Variants in PIEZO2 observed in about 807,000 individuals in gnomAD.
PIEZO2 encodes the protein piezo type mechanosensitive ion channel component 2, also known as piezo-type mechanosensitive ion channel component 2.
In PIEZO2, 172 loss-of-function variants were observed where a neutral mutation model predicts 337.3. The observed-to-expected ratio is 0.51, with a 90% CI of 0.45 to 0.58. The LOEUF (loss-of-function observed/expected upper bound fraction) is 0.58, where lower values mean the gene tolerates loss of function less well. PIEZO2 is among the 20% of genes least tolerant of loss of function. The pLI is 0.00. For missense variants in PIEZO2, 3,028 were observed against 3,391.3 expected, an observed-to-expected ratio of 0.89 and a Z score of 2.66; for synonymous variants, 1,251 against 1,228.5, an observed-to-expected ratio of 1.02 and a Z score of -0.38.
chr18:10,769,381 A>G (rs2038501011), intron 21 of PIEZO2, among the ~76,000 whole-genome samples: 1 of 152,244 alleles, frequency 6.6e-6, no homozygotes, highest in Non-Finnish European at 1.5e-5. Flanking sequence ...TATGGAGCTC[A>G]AATTAAGGTT....
intron 34 of PIEZO2, among the ~76,000 whole-genome samples, chr18:10,736,039 G>A (rs1439573178): frequency 6.6e-6 from 1 of 152,202 alleles, no homozygotes; most frequent in Non-Finnish European, 1.5e-5. Flanking sequence ...CTATAGCTGA[G>A]AATGGGACAG....
At chr18:10,999,243 G>A (rs534221990) in intron 2 of PIEZO2, among the ~76,000 whole-genome samples, 17 of 150,460 alleles carry the variant, frequency 1.1e-4, no homozygotes, top group East Asian at 3.9e-4. Flanking sequence ...CCAAATCTGC[G>A]TAGAGTTTGA....
intron 3 of PIEZO2, among the ~76,000 whole-genome samples, chr18:10,921,144 A>G (rs758573308): frequency 1.6e-4 from 24 of 151,904 alleles, no homozygotes; most frequent in Non-Finnish European, 3.1e-4. Flanking sequence ...ATTACAGGTG[A>G]TCATTCATTA....
rs1396991806 is a variant in PIEZO2 at position 11,009,738 on chromosome 18, G to A, written c.161-30078C>T. Among the ~76,000 whole-genome samples the A allele has an allele frequency of 6.6e-6, 1 of 152,098 alleles. No individual in the cohort carries two copies. Among genetic ancestry groups the A allele is most frequent in the Non-Finnish European group, 1.5e-5 (1 of 68,032 alleles). On this transcript the variant is annotated intron_variant, in intron 2 of 55. Transcript: ENST00000674853. This position sits in a 1 kb window ranked among gnomAD's most constrained non-coding sequence, Gnocchi z 4.6. The stretch of plus-strand genomic sequence containing the variant: ...GAATGTGACTGTCTTTTGAGATAGG[G>A]CCTTTAAAGAGGTAATTCAGGTAGC...
intron 1 of PIEZO2, among the ~76,000 whole-genome samples, chr18:11,081,664 G>A (rs569184137): frequency 2.6e-4 from 39 of 152,226 alleles, no homozygotes; most frequent in African/African-American, 9.4e-4. Context: ...CTAGCTTGGG[G>A]AGCTCTGTGC....
chr18:11,133,886 A>G (rs1343420676), intron 1 of PIEZO2, among the ~76,000 whole-genome samples: 2 of 152,102 alleles, frequency 1.3e-5, no homozygotes, highest in Admixed American at 6.6e-5. Flanking sequence ...ATATATATAC[A>G]TATACACACA....
At chr18:10,811,995 G>A (rs983209398) in intron 7 of PIEZO2, among the ~76,000 whole-genome samples, 4 of 152,074 alleles carry the variant, frequency 2.6e-5, no homozygotes, top group African/African-American at 9.7e-5. Context: ...CACCACGCCC[G>A]GCTAACTTTT....
At chr18:11,114,736 T>C (rs940606251) in intron 1 of PIEZO2, among the ~76,000 whole-genome samples, 3 of 151,668 alleles carry the variant, frequency 2.0e-5, no homozygotes, top group Non-Finnish European at 4.4e-5. Context: ...TGCCAACAGA[T>C]AGACTGCAGT....
intron 2 of PIEZO2, among the ~76,000 whole-genome samples, chr18:10,987,408 A>G (rs966741630): frequency 2.1e-4 from 32 of 152,138 alleles, no homozygotes; most frequent in Admixed American, 2.6e-4. Context: ...TAACCCACAA[A>G]TGTATAGCCA....
chr18:10,983,011 G>A (rs760326059), intron 2 of PIEZO2, among the ~76,000 whole-genome samples: 6 of 152,080 alleles, frequency 3.9e-5, no homozygotes, highest in South Asian at 2.1e-4. Context: ...ATGAGCCACC[G>A]TGCCTGGCCA....
At chr18:11,079,504 C>T (rs985260756) in intron 1 of PIEZO2, among the ~76,000 whole-genome samples, 2 of 152,194 alleles carry the variant, frequency 1.3e-5, no homozygotes, top group Non-Finnish European at 2.9e-5. Flanking sequence ...TAGCCAAACT[C>T]CCCTATTAGT....
At chr18:10,968,264 G>T (rs140319505) in intron 3 of PIEZO2, among the ~76,000 whole-genome samples, 2 of 152,204 alleles carry the variant, frequency 1.3e-5, no homozygotes, top group South Asian at 4.2e-4. Flanking sequence ...GCTGTTAAGC[G>T]TTTGGCTTTA....
At chr18:10,755,478 C>T (rs1175757393) in intron 27 of PIEZO2, among the ~76,000 whole-genome samples, 3 of 152,176 alleles carry the variant, frequency 2.0e-5, no homozygotes, top group South Asian at 4.1e-4. Context: ...TGGAATGTTA[C>T]AGGCATTGAA....
chr18:10,687,385 C>T (rs2034592363), intron 49 of PIEZO2, among the ~76,000 whole-genome samples: 1 of 152,088 alleles, frequency 6.6e-6, no homozygotes, highest in Non-Finnish European at 1.5e-5. Flanking sequence ...TTATTAACAC[C>T]TGTTTCTGTC....
chr18:11,036,974 A>ATG (rs1191839932), intron 2 of PIEZO2, among the ~76,000 whole-genome samples: 4 of 151,820 alleles, frequency 2.6e-5, no homozygotes, highest in African/African-American at 9.7e-5. Context: ...GTGTGTTTGC[A>ATG]TGTGTGTGTG....
rs2033382449 is a variant in PIEZO2, at chr18:10,953,424, G to T, written c.286+26111C>A. ...ATTTGTTTTGAGTTAATTAATTTTT[G>T]TATATGGAGCAAATTAAGAATTTAA... On this transcript the variant is annotated intron_variant, in intron 3 of 55. Coordinates refer to ENST00000674853, the MANE Select transcript of PIEZO2 (RefSeq NM_001378183.1). The surrounding 1 kb of genome is among the most constrained non-coding windows in gnomAD (Gnocchi z 5.2). 6.6e-6 allele frequency among the ~76,000 whole-genome samples: 1 copy of T among 151,892 alleles called. No homozygotes were observed. The highest frequency in any genetic ancestry group is 1.5e-5 in the Non-Finnish European group (1 of 67,986).
intron 1 of PIEZO2, among the ~76,000 whole-genome samples, chr18:11,066,695 G>T (rs560044705): frequency 1.6e-4 from 25 of 152,250 alleles, no homozygotes; most frequent in African/African-American, 5.3e-4. Context: ...TGCCTCCTGG[G>T]TTCAAGTGAT....
In PIEZO2 at chr18:10,945,280, G is replaced by C. The variant is rs187633515; in HGVS notation, c.287-34052C>G. Among the ~76,000 whole-genome samples the C allele has an allele frequency of 1.3e-5, 2 of 152,248 alleles. No individual in the cohort carries two copies. The highest frequency in any genetic ancestry group is 4.8e-5 in the African/African-American group (2 of 41,540). ...CTGCAGCCTCAAACTCCTGTGCTCA[G>C]GGGATCCTCCCACCTCAGCTTCCCA... On this transcript the variant is annotated intron_variant, in intron 3 of 55. Transcript: ENST00000674853. This position sits in a 1 kb window ranked among gnomAD's most constrained non-coding sequence, Gnocchi z 4.0.
Position 10,877,329 on chromosome 18 carries a change from G to T in PIEZO2, c.330-5914C>A, listed in dbSNP as rs1051304473. On this transcript the variant is annotated intron_variant, in intron 4 of 55. Coordinates refer to ENST00000674853, the MANE Select transcript of PIEZO2 (RefSeq NM_001378183.1). This position sits in a 1 kb window ranked among gnomAD's most constrained non-coding sequence, Gnocchi z 5.3. ...CTGTTTCATGAACACTAGCTCTTTA[G>T]AATGAAATAGTGTTAGATTAAATTT... Among the ~76,000 whole-genome samples the T allele has an allele frequency of 1.3e-5, 2 of 152,204 alleles. No individual in the cohort carries two copies. Among genetic ancestry groups the T allele is most frequent in the African/African-American group, 2.4e-5 (1 of 41,464 alleles).
Sources: allele counts gnomAD v4.1 joint callset (sites outside exome capture counted in the v4.1 genomes callset), GRCh38; gene constraint gnomAD v4.1.1; non-coding constraint Gnocchi (gnomAD v3.1); transcripts MANE v1.5; gene names NCBI Gene and HGNC (gene_info 2026-07-23, HGNC 2026-07-21).